ZRSR2: variants seen among roughly 807,000 people sequenced by gnomAD.
ZRSR2 encodes U2 small nuclear ribonucleoprotein auxiliary factor 35 kDa subunit-related protein 2.
Under a neutral mutation model 39.4 loss-of-function variants are expected in ZRSR2, and 3 were observed. The ratio of observed to expected loss-of-function variants is 0.08; its 90% CI spans 0.03 to 0.20. ZRSR2 has a LOEUF of 0.20. Ranked by LOEUF, ZRSR2 falls within the 10% of genes least tolerant of loss-of-function variation. The pLI is 1.00. For missense variants in ZRSR2, 256 were observed against 391.5 expected (o/e 0.65, Z 2.92); for synonymous variants, 137 against 136.0 (o/e 1.01, Z -0.05).
rs137961022 is a variant in ZRSR2 at position 15,805,986 on chromosome X, G to T, written c.399+1789G>T. Among the ~76,000 whole-genome samples, 921 of 109,295 alleles carry T rather than the reference G, an allele frequency of 8.4e-3. 13 individuals carry two copies. Among genetic ancestry groups the T allele is most frequent in the Non-Finnish European group, 0.012 (644 of 52,473 alleles). 94.9% of individuals were successfully genotyped at this position (109,295 alleles called of 115,157 possible). A position where few individuals can be genotyped will look rare whatever the true frequency, so the allele number is the denominator to read the frequency against. On this transcript the variant is annotated intron_variant, in intron 5 of 10. Transcript: ENST00000307771. Reference sequence around the variant, plus strand: ...GCAGAGTGATGTGATAGAGTAATGAGAATAGAGTTGTGCTTCTATAGATTG... The same window carrying T: ...GCAGAGTGATGTGATAGAGTAATGATAATAGAGTTGTGCTTCTATAGATTG...
intron 2 of ZRSR2, among the ~76,000 whole-genome samples, chrX:15,797,869 C>T (rs771555573): frequency 1.3e-3 from 143 of 111,448 alleles, no homozygotes; most frequent in Non-Finnish European, 2.3e-3. Context: ...AGCTTGGTTT[C>T]GAGGTGATGG....
intron 2 of ZRSR2, among the ~76,000 whole-genome samples, chrX:15,797,300 T>G (rs1307351927): frequency 9.8e-6 from 1 of 101,925 alleles, no homozygotes; most frequent in African/African-American, 3.6e-5. Context: ...AACCTCCACC[T>G]CCCGGGTTCA....
chrX:15,799,843 C>T (rs780665466), intron 2 of ZRSR2, 29 bp from the exon 3 acceptor site: 19 of 1,041,763 alleles, frequency 1.8e-5, no homozygotes, highest in Non-Finnish European at 2.4e-5. Context: ...TTGCAGCACT[C>T]AGTTTAATAA....
intron 3 of ZRSR2, among the ~76,000 whole-genome samples, chrX:15,801,946 A>C (rs1157243656): frequency 1.8e-5 from 2 of 112,283 alleles, no homozygotes; most frequent in African/African-American, 3.2e-5. Flanking sequence ...TAAAATTTTT[A>C]ACATTTTACT....
chrX:15,806,675 C>T (rs1932786437), intron 5 of ZRSR2, among the ~76,000 whole-genome samples: 1 of 108,056 alleles, frequency 9.3e-6, no homozygotes, highest in Non-Finnish European at 1.9e-5. Flanking sequence ...GATCCACCCG[C>T]CTCGGCCTCC....
At chrX:15,796,028 G>T (rs1932443060) in intron 2 of ZRSR2, among the ~76,000 whole-genome samples, 2 of 109,573 alleles carry the variant, frequency 1.8e-5, no homozygotes, top group South Asian at 7.7e-4. Flanking sequence ...TTTCTTTTTT[G>T]TTTTTTGTTT....
chrX:15,791,739 C>T (rs1439650349), intron 2 of ZRSR2, among the ~76,000 whole-genome samples: 1 of 108,204 alleles, frequency 9.2e-6, no homozygotes, highest in Non-Finnish European at 1.9e-5. Context: ...TCACTGCAGC[C>T]TCCGCCCCCT....
chrX:15,805,702 C>T (rs907127301), intron 5 of ZRSR2, among the ~76,000 whole-genome samples: 3 of 110,949 alleles, frequency 2.7e-5, no homozygotes, highest in South Asian at 7.5e-4. Context: ...GAGGCTGAGG[C>T]GAGAGGATCA....
rs754668836 is a variant in ZRSR2 at position 15,816,564 on chromosome X, T to G, written c.771+674T>G. Among the ~76,000 whole-genome samples the G allele has an allele frequency of 2.3e-3, 256 of 112,120 alleles. 2 individuals are homozygous for G. The highest frequency in any genetic ancestry group is 3.5e-3 in the Non-Finnish European group (188 of 53,262). On this transcript the variant is annotated intron_variant, in intron 8 of 10. Coordinates refer to ENST00000307771, the MANE Select transcript of ZRSR2 (RefSeq NM_005089.4). ...ATAATTATTTTAAAATATTCCTTAATGCAAGGGTAAGGCCAGATGTAATCT... is the reference window on the plus strand; with the variant it reads ...ATAATTATTTTAAAATATTCCTTAAGGCAAGGGTAAGGCCAGATGTAATCT...
intron 3 of ZRSR2, among the ~76,000 whole-genome samples, chrX:15,800,488 G>A (rs1157045250): frequency 9.1e-6 from 1 of 110,383 alleles, no homozygotes; most frequent in Admixed American, 9.7e-5. Flanking sequence ...CGCCTGACCT[G>A]TAATTGTTTT....
rs768133914 is a variant in ZRSR2 at position 15,823,148 on chromosome X, G to A, written c.1355G>A (p.Arg452His). 2 of 1,206,272 alleles carry A rather than the reference G, an allele frequency of 1.7e-6. No individual in the cohort carries two copies. The highest frequency in any genetic ancestry group is 3.5e-5 in the South Asian group (2 of 56,486). ...CGGAGCCGGAGCCGCAGGAGCCGCC[G>A]CAGCCGGAGCCAAAGTTCCTCTAGG... ...RSRSRSRRSR[R>H]SRSQSSSRSR... The change falls in exon 11 of 11, where the codon CGC (arginine) becomes CAC (histidine). Residue 452 changes from arginine to histidine, a missense_variant. Physicochemically the swap from Arg to His is conservative, Grantham distance 29. This residue lies in a region of ZRSR2 where 111 missense variants were observed against 116.7 expected (regional missense o/e 0.95). Coordinates refer to ENST00000307771, the MANE Select transcript of ZRSR2 (RefSeq NM_005089.4).
At chrX:15,809,358 C>G in intron 7 of ZRSR2, 40 bp downstream of exon 7, 2 of 1,002,494 alleles carry the variant, frequency 2.0e-6, no homozygotes, top group Non-Finnish European at 2.8e-6. Flanking sequence ...TGAAGTGATT[C>G]AAAATGCTGA....
intron 5 of ZRSR2, among the ~76,000 whole-genome samples, chrX:15,804,482 A>T (rs1428222591): frequency 9.0e-6 from 1 of 111,259 alleles, no homozygotes; most frequent in East Asian, 2.8e-4. Flanking sequence ...TTTAGGCTTT[A>T]TGGTTTGGTC....
chrX:15,821,500 A>G (rs1288356050), intron 10 of ZRSR2, among the ~76,000 whole-genome samples: 1 of 111,162 alleles, frequency 9.0e-6, no homozygotes, highest in Non-Finnish European at 1.9e-5. Flanking sequence ...TTCTTGGTAT[A>G]TTCTCCATAC....
chrX:15,808,314 G>A (rs1472425560), intron 6 of ZRSR2, 43 bp downstream of exon 6: 1 of 1,116,621 alleles, frequency 9.0e-7, no homozygotes, highest in African/African-American at 1.8e-5. Flanking sequence ...ACCAATTAAT[G>A]TTTCCTTAGA....
intron 2 of ZRSR2, among the ~76,000 whole-genome samples, chrX:15,796,321 C>G (rs1182052252): frequency 8.9e-6 from 1 of 112,460 alleles, no homozygotes; most frequent in Non-Finnish European, 1.9e-5. Context: ...CCAGAGATCA[C>G]TTCTTACTGC....
At chrX:15,795,232 C>G (rs780195172) in intron 2 of ZRSR2, among the ~76,000 whole-genome samples, 1 of 110,481 alleles carries the variant, frequency 9.1e-6, no homozygotes, top group South Asian at 3.9e-4. Context: ...ATGGCTTTTT[C>G]TATAACAACA....
intron 3 of ZRSR2, among the ~76,000 whole-genome samples, chrX:15,800,430 G>A (rs1394155964): frequency 9.1e-6 from 1 of 109,600 alleles, no homozygotes; most frequent in East Asian, 2.8e-4. Context: ...CAAGTGATCC[G>A]CCTGCCTCAG....
At chrX:15,791,801 C>T (rs960581018) in intron 2 of ZRSR2, among the ~76,000 whole-genome samples, 15 of 110,306 alleles carry the variant, frequency 1.4e-4, no homozygotes, top group Admixed American at 1.9e-4. Context: ...GGATTACAGG[C>T]GTGCGCAACC....
Sources: allele counts gnomAD v4.1 joint callset (sites outside exome capture counted in the v4.1 genomes callset), GRCh38; gene constraint gnomAD v4.1.1; regional missense constraint gnomAD v4.1.1; transcripts MANE v1.5; gene names NCBI Gene and HGNC (gene_info 2026-07-23, HGNC 2026-07-21).